The following PLA2G4D variants were observed in gnomAD, a reference collection of about 807,000 sequenced individuals.
PLA2G4D encodes phospholipase A2 group IVD.
A neutral mutation model predicts 94.4 loss-of-function variants in PLA2G4D; 80 were observed. The observed-to-expected ratio is 0.85, with a 90% CI of 0.71 to 1.02. PLA2G4D has a LOEUF of 1.02. PLA2G4D is among the 50% of genes least tolerant of loss of function. The pLI is 0.00. For synonymous variants in PLA2G4D, 438 were observed against 440.9 expected (o/e 0.99, Z 0.08); for missense variants, 1,050 against 1,034.7 (o/e 1.01, Z -0.20).
At chr15:42,073,947 A>G (rs917304837) in intron 13 of PLA2G4D, among the ~76,000 whole-genome samples, 1 of 152,150 alleles carries the variant, frequency 6.6e-6, no homozygotes, top group Non-Finnish European at 1.5e-5. Flanking sequence ...AATGGTCCCC[A>G]GTATGAATTA....
chr15:42,093,816 C>G (rs1890289208), intron 1 of PLA2G4D, among the ~76,000 whole-genome samples: 1 of 152,198 alleles, frequency 6.6e-6, no homozygotes, highest in South Asian at 2.1e-4. Flanking sequence ...TGGCCACCAC[C>G]TGGGGCACCG....
chr15:42,076,192 G>A lies in PLA2G4D; in HGVS notation c.1317+3345C>T, dbSNP rs562884231. Among the ~76,000 whole-genome samples the A allele has an allele frequency of 1.5e-3, 224 of 152,228 alleles. 2 individuals are homozygous for A. Among genetic ancestry groups the A allele is most frequent in the African/African-American group, 5.1e-3 (213 of 41,532 alleles). ...TGAAACCTGATACATGACAGAATTA[G>A]CAATGCAGATCAGTGGAGAAAAAAT... On this transcript the variant is annotated intron_variant, in intron 13 of 19. Transcript: ENST00000290472.
rs112756552 is a variant in PLA2G4D, at chr15:42,079,517, C to A, written c.1317+20G>T. On this transcript the variant is annotated intron_variant, in intron 13 of 19. Coordinates refer to ENST00000290472, the MANE Select transcript of PLA2G4D (RefSeq NM_178034.4). ...CCGCGGTGCACACACGCGTCTCCCCCACGTGCGCAGGCGCCCTACCTGGCC... is the reference window on the plus strand; with the variant it reads ...CCGCGGTGCACACACGCGTCTCCCCAACGTGCGCAGGCGCCCTACCTGGCC... The A allele has an allele frequency of 1.7e-5, 26 of 1,575,476 alleles. No homozygotes were observed. Among genetic ancestry groups the A allele is most frequent in the African/African-American group, 2.7e-5 (2 of 73,844 alleles).
intron 1 of PLA2G4D, among the ~76,000 whole-genome samples, chr15:42,089,152 C>T (rs1254619258): frequency 6.6e-6 from 1 of 152,216 alleles, no homozygotes; most frequent in East Asian, 1.9e-4. Context: ...TTTGATATCG[C>T]ATAGCTGGGA....
chr15:42,082,261 C>T lies in PLA2G4D; in HGVS notation c.783+18G>A. On this transcript the variant is annotated intron_variant, in intron 9 of 19. Coordinates refer to ENST00000290472, the MANE Select transcript of PLA2G4D (RefSeq NM_178034.4). ...CTTCATTCTTACTGGCATTTCCCATCCAGTTGAGGCCACTTACATTTGGAG... is the reference window on the plus strand; with the variant it reads ...CTTCATTCTTACTGGCATTTCCCATTCAGTTGAGGCCACTTACATTTGGAG... 6.3e-7 allele frequency: 1 copy of T among 1,591,490 alleles called. No individual in the cohort carries two copies. The highest frequency in any genetic ancestry group is 8.6e-7 in the Non-Finnish European group (1 of 1,159,784).
chr15:42,072,678 G>A (rs16972615), intron 13 of PLA2G4D, among the ~76,000 whole-genome samples: 14,843 of 152,218 alleles, frequency 0.098, 763 homozygotes, highest in Middle Eastern at 0.15. Context: ...GCCCATCTTC[G>A]TGGATTTAAG....
chr15:42,075,908 AGAGGGGAGGGGAGGG>A (rs531590243), intron 13 of PLA2G4D, among the ~76,000 whole-genome samples: 1 of 59,366 alleles, frequency 1.7e-5, no homozygotes, highest in Non-Finnish European at 3.0e-5. Flanking sequence ...GGAGGGAGGG[AGAGGGGAGGGGAGGG>A]GAGGGGAGGG....
chr15:42,076,698 T>G (rs1174035692), intron 13 of PLA2G4D, among the ~76,000 whole-genome samples: 1 of 152,178 alleles, frequency 6.6e-6, no homozygotes, highest in Non-Finnish European at 1.5e-5. Flanking sequence ...TAAACAAAAC[T>G]TTAAAAGTCT....
chr15:42,076,621 T>A (rs1238756132), intron 13 of PLA2G4D, among the ~76,000 whole-genome samples: 1 of 152,194 alleles, frequency 6.6e-6, no homozygotes, highest in African/African-American at 2.4e-5. Flanking sequence ...CTTAAAAACA[T>A]CAACTGTCTA....
At chr15:42,085,244 A>G in intron 5 of PLA2G4D, 106 bp from the exon 6 acceptor site, 2 of 1,377,816 alleles carry the variant, frequency 1.5e-6, no homozygotes, top group South Asian at 2.3e-5. Context: ...TAAGTCCTGG[A>G]TTCGGTTCAG....
chr15:42,069,932 G>T lies in PLA2G4D; in HGVS notation c.2207C>A (p.Ser736Tyr). The change falls in exon 19 of 20, where the codon TCC becomes TAC. Residue 736 changes from serine to tyrosine, a missense_variant. By Grantham distance (144) the Ser-to-Tyr change is moderately radical. Transcript: ENST00000290472. ...ACCGGGGGCTGAGTGGTCCTTGAAGGAGGCATTGACCAGCGGGAAGTGCAG... is the reference window on the plus strand; with the variant it reads ...ACCGGGGGCTGAGTGGTCCTTGAAGTAGGCATTGACCAGCGGGAAGTGCAG... The part of the protein sequence containing the change: ...ILLHFPLVNA[S>Y]FKDHSAPGVQ... 1 of 1,440,094 alleles carries T rather than the reference G, an allele frequency of 6.9e-7. No individual in the cohort carries two copies. The highest frequency in any genetic ancestry group is 9.1e-7 in the Non-Finnish European group (1 of 1,097,714). The allele number at this position is 1,440,094 out of a possible 1,614,324, so 89.2% of individuals were successfully genotyped here. A position where few individuals can be genotyped will look rare whatever the true frequency, so the allele number is the denominator to read the frequency against.
chr15:42,080,783 A>G (rs558020905), intron 12 of PLA2G4D, among the ~76,000 whole-genome samples: 1 of 152,338 alleles, frequency 6.6e-6, no homozygotes, highest in Admixed American at 6.5e-5. Flanking sequence ...ACAGCCTTTC[A>G]GTAACATCTG....
intron 4 of PLA2G4D, 75 bp from the exon 5 acceptor site, chr15:42,085,606 G>T: frequency 6.9e-7 from 1 of 1,456,514 alleles, no homozygotes; most frequent in Non-Finnish European, 9.6e-7. Context: ...TTTTACAGGT[G>T]TCATCTCATC....
At chr15:42,072,241 G>A (rs1275438409) in intron 14 of PLA2G4D, 34 bp downstream of exon 14, 6 of 1,544,568 alleles carry the variant, frequency 3.9e-6, no homozygotes, top group South Asian at 2.3e-5. Context: ...TTTGGGGGGT[G>A]GAGTATGTGG....
rs146080339 is a variant in PLA2G4D at position 42,071,896 on chromosome 15, G to A, written c.1451C>T (p.Ser484Phe). 3.3e-5 allele frequency: 54 copies of A among 1,614,128 alleles called. 1 individual carries two copies. Among genetic ancestry groups the A allele is most frequent in the Admixed American group, 6.7e-5 (4 of 60,032 alleles). ...CTTCAGGAAACCGACCTCATAGGGG[G>A]AGAACTCAACCCACTCTAATGGGGT... The part of the protein sequence containing the change: ...TLDFKEWVEF[S>F]PYEVGFLKYG... The change falls in exon 15 of 20, where the codon TCC becomes TTC. Residue 484 changes from serine (S) to phenylalanine (F), a missense_variant. By Grantham distance (155) the Ser-to-Phe change is radical. Coordinates refer to ENST00000290472, the MANE Select transcript of PLA2G4D (RefSeq NM_178034.4).
rs77186114 is a variant in PLA2G4D at position 42,070,880 on chromosome 15, T to C, written c.1880A>G (p.Tyr627Cys). The C allele has an allele frequency of 0.1, 162,027 of 1,609,690 alleles. 9,214 individuals carry two copies. Among genetic ancestry groups the C allele is most frequent in the Non-Finnish European group, 0.12 (137,132 of 1,177,878 alleles). Residue 627 changes from tyrosine to cysteine, a missense_variant, in exon 18 of 20, where the codon TAC becomes TGC. Coordinates refer to ENST00000290472, the MANE Select transcript of PLA2G4D (RefSeq NM_178034.4). ...SHKDFSTWAD[Y>C]QLDSMPSQLT... ...CTGGCTGGGCATGGAGTCAAGCTGG[T>C]AGTCTGGTGGGAATCGCAGGATGGT...
chr15:42,080,625 A>C (rs79890542), intron 12 of PLA2G4D, among the ~76,000 whole-genome samples: 2,871 of 152,278 alleles, frequency 0.019, 68 homozygotes, highest in African/African-American at 0.054. Flanking sequence ...GGTGATCCCC[A>C]CACCCCAGTC....
Position 42,084,586 on chromosome 15 carries a change from C to G in PLA2G4D, c.471+510G>C, listed in dbSNP as rs1890103915. Among the ~76,000 whole-genome samples, 1 of 152,158 alleles carries G rather than the reference C, an allele frequency of 6.6e-6. No homozygotes were observed. Among genetic ancestry groups the G allele is most frequent in the Admixed American group, 6.5e-5 (1 of 15,276 alleles). ...ACCTTGCGGCCATTTCTGTCCACTG[C>G]AGCTTCGTGAGCCCGTGGTCAGGAG... On this transcript the variant is annotated intron_variant, in intron 6 of 19. Transcript: ENST00000290472. This position sits in a 1 kb window ranked among gnomAD's most constrained non-coding sequence, Gnocchi z 4.8.
chr15:42,073,444 T>C (rs1172236179), intron 13 of PLA2G4D, among the ~76,000 whole-genome samples: 3 of 152,224 alleles, frequency 2.0e-5, no homozygotes, highest in Non-Finnish European at 4.4e-5. Flanking sequence ...GCAAGGCGAA[T>C]GGTGGTGCCT....
Sources: gnomAD v4.1 joint callset for allele counts (sites outside exome capture counted in the v4.1 genomes callset) on GRCh38, gnomAD v4.1.1 for gene constraint, Gnocchi (gnomAD v3.1) non-coding constraint, MANE v1.5 for transcripts, NCBI Gene and HGNC (gene_info 2026-07-23, HGNC 2026-07-21) for gene names.